SGPP2: variants seen among roughly 807,000 people sequenced by gnomAD.
SGPP2 encodes sphingosine-1-phosphate phosphatase 2.
A neutral mutation model predicts 33.9 loss-of-function variants in SGPP2; 30 were observed. The ratio of observed to expected loss-of-function variants is 0.89; its 90% confidence interval spans 0.66 to 1.20. SGPP2 has a LOEUF of 1.20. SGPP2 is among the 50% of genes most tolerant of loss of function. The pLI is 0.00. For synonymous variants in SGPP2, 233 were observed against 225.0 expected (o/e 1.04, Z -0.32); for missense variants, 458 against 532.1 (o/e 0.86, Z 1.37).
chr2:222,451,527 A>G (rs988679443), intron 1 of SGPP2, among the ~76,000 whole-genome samples: 1 of 152,202 alleles, frequency 6.6e-6, no homozygotes, highest in East Asian at 1.9e-4. Context: ...TGCAGAGCAG[A>G]TGTCTGAAGG....
chr2:222,503,796 G>A (rs1209270275), intron 2 of SGPP2: 1 of 152,116 alleles, frequency 6.6e-6, no homozygotes, highest in Non-Finnish European at 1.5e-5. Context: ...GGGTGGAATT[G>A]GGGCAAGAAT....
chr2:222,470,252 T>G lies in SGPP2; in HGVS notation c.220-4316T>G, dbSNP rs186940122. ...ACCTGTGTAACAAACCTGCACGATC[T>G]GCACATGTATCTCAGAATTTAAAGT... On this transcript the variant is annotated intron_variant, in intron 1 of 4. Transcript: ENST00000321276. 9.9e-4 allele frequency among the ~76,000 whole-genome samples: 151 copies of G among 152,274 alleles called. 1 individual carries two copies. The highest frequency in any genetic ancestry group is 3.5e-3 in the African/African-American group (147 of 41,538).
At chr2:222,503,002 T>C (rs1698390440) in intron 2 of SGPP2, among the ~76,000 whole-genome samples, 1 of 152,240 alleles carries the variant, frequency 6.6e-6, no homozygotes, top group South Asian at 2.1e-4. Flanking sequence ...TTAAGTAATG[T>C]ATAACTGGTT....
chr2:222,493,359 T>G (rs1698227254), intron 2 of SGPP2, among the ~76,000 whole-genome samples: 1 of 152,108 alleles, frequency 6.6e-6, no homozygotes, highest in South Asian at 2.1e-4. Flanking sequence ...CTTATAAAAC[T>G]ATTGGATCTC....
Position 222,558,589 on chromosome 2 carries a change from C to T in SGPP2, c.891C>T (p.Phe297=), listed in dbSNP as rs762776700. The T allele has an allele frequency of 4.3e-6, 7 of 1,614,216 alleles. No homozygotes were observed. Among genetic ancestry groups the T allele is most frequent in the Non-Finnish European group, 5.9e-6 (7 of 1,180,024 alleles). ...TAGGATTCTGGATCAACCATTTCTTCCAGCTTGTATCCAAGCCCGCTGAAT... is the reference window on the plus strand; with the variant it reads ...TAGGATTCTGGATCAACCATTTCTTTCAGCTTGTATCCAAGCCCGCTGAAT... ...VTIGFWINHF[F]QLVSKPAESL... is the part of the protein sequence containing the mutation. The change falls in exon 5 of 5, where the codon TTC becomes TTT. Residue 297 remains phenylalanine, a synonymous_variant. Transcript: ENST00000321276.
chr2:222,523,013 A>G (rs751112324), intron 3 of SGPP2, among the ~76,000 whole-genome samples: 16 of 152,224 alleles, frequency 1.1e-4, no homozygotes, highest in Non-Finnish European at 2.1e-4. Flanking sequence ...CATTAAATCT[A>G]GCAGTCTTGT....
intron 1 of SGPP2, among the ~76,000 whole-genome samples, chr2:222,437,012 C>T (rs921613137): frequency 2.6e-5 from 4 of 152,140 alleles, no homozygotes; most frequent in African/African-American, 9.7e-5. Flanking sequence ...TGGGTGAAGA[C>T]AGGAGTGGCT....
Position 222,460,156 on chromosome 2 carries a change from G to A in SGPP2, c.220-14412G>A, listed in dbSNP as rs1697637486. On this transcript the variant is annotated intron_variant, in intron 1 of 4. Coordinates refer to ENST00000321276, the MANE Select transcript of SGPP2 (RefSeq NM_152386.4). The surrounding 1 kb of genome is among the most constrained non-coding windows in gnomAD (Gnocchi z 4.3). ...TGGCATTCAGTTGCCATCCACAGAA[G>A]AAGGACTCACTTTCTCTGGGTTTTA... Among the ~76,000 whole-genome samples the A allele has an allele frequency of 6.6e-6, 1 of 152,232 alleles. No individual in the cohort carries two copies. The highest frequency in any genetic ancestry group is 2.4e-5 in the African/African-American group (1 of 41,458).
At chr2:222,428,899 C>G (rs933088985) in intron 1 of SGPP2, among the ~76,000 whole-genome samples, 1 of 148,748 alleles carries the variant, frequency 6.7e-6, no homozygotes, top group African/African-American at 2.5e-5. Context: ...TCAAACGATT[C>G]TCCTGCCTCA....
intron 2 of SGPP2, among the ~76,000 whole-genome samples, chr2:222,514,391 T>C (rs1184345484): frequency 6.6e-6 from 1 of 152,138 alleles, no homozygotes; most frequent in African/African-American, 2.4e-5. Flanking sequence ...AGAGATGGAG[T>C]CTCACTATGT....
intron 2 of SGPP2, among the ~76,000 whole-genome samples, chr2:222,478,197 GGAGGGAGGGGGA>G (rs1273998396): frequency 6.6e-6 from 1 of 150,826 alleles, no homozygotes; most frequent in African/African-American, 2.4e-5. Context: ...AGAGAGGGAG[GGAGGGAGGGGGA>G]GAGGGAGGTG....
chr2:222,446,607 C>T (rs935864153), intron 1 of SGPP2, among the ~76,000 whole-genome samples: 2 of 152,184 alleles, frequency 1.3e-5, no homozygotes, highest in Admixed American at 1.3e-4. Flanking sequence ...CATTCATGTA[C>T]AAAACTTTAA....
In SGPP2 at chr2:222,562,587, A is replaced by T. The variant is rs1689569048; in HGVS notation, c.*3689A>T. On this transcript the variant is annotated 3_prime_UTR_variant, in exon 5 of 5. Transcript: ENST00000321276. ...TTTATTCTTTTTAAAAATCACTTTTATTTGATTTTGACTTATTAAATGCTT... is the reference window on the plus strand; with the variant it reads ...TTTATTCTTTTTAAAAATCACTTTTTTTTGATTTTGACTTATTAAATGCTT... 6.6e-6 allele frequency among the ~76,000 whole-genome samples: 1 copy of T among 152,130 alleles called. No individual in the cohort carries two copies. Among genetic ancestry groups the T allele is most frequent in the South Asian group, 2.1e-4 (1 of 4,826 alleles).
In SGPP2 at chr2:222,476,425, C is replaced by T. The variant is rs1056103535; in HGVS notation, c.378+1699C>T. On this transcript the variant is annotated intron_variant, in intron 2 of 4. Transcript: ENST00000321276. This position sits in a 1 kb window ranked among gnomAD's most constrained non-coding sequence, Gnocchi z 4.3. The stretch of plus-strand genomic sequence containing the variant: ...CTTCAAATCCCTGTCTCCCAATAGC[C>T]CTCTTTTGAAATCTAGCTTCTGTCT... 2.6e-5 allele frequency among the ~76,000 whole-genome samples: 4 copies of T among 152,142 alleles called. No individual in the cohort carries two copies. Among genetic ancestry groups the T allele is most frequent in the African/African-American group, 9.7e-5 (4 of 41,410 alleles).
rs1287367192 is a variant in SGPP2 at position 222,558,380 on chromosome 2, C to T, written c.682C>T (p.Leu228Phe). 4 of 1,614,092 alleles carry T rather than the reference C, an allele frequency of 2.5e-6. No individual in the cohort carries two copies. The highest frequency in any genetic ancestry group is 3.4e-6 in the Non-Finnish European group (4 of 1,180,052). The change falls in exon 5 of 5, where the codon CTC (leucine) becomes TTC (phenylalanine). Residue 228 changes from leucine (L) to phenylalanine (F), a missense_variant. Coordinates refer to ENST00000321276, the MANE Select transcript of SGPP2 (RefSeq NM_152386.4). ...GGGTGGCGTCCTGATCACCGCACTC[C>T]TCATCGTCCTCACCTACCCTGCCTG... ...VLGGVLITAL[L>F]IVLTYPAWTF... is the part of the protein sequence containing the mutation.
At chr2:222,455,580 A>G (rs1361818419) in intron 1 of SGPP2, among the ~76,000 whole-genome samples, 4 of 152,212 alleles carry the variant, frequency 2.6e-5, no homozygotes, top group Non-Finnish European at 4.4e-5. Context: ...ATTGGGAGCC[A>G]TTGGAGGATG....
intron 1 of SGPP2, among the ~76,000 whole-genome samples, chr2:222,461,966 T>C (rs1398099353): frequency 6.6e-6 from 1 of 152,136 alleles, no homozygotes; most frequent in Non-Finnish European, 1.5e-5. Context: ...GCTTTACCTG[T>C]GTGAAATGGG....
intron 4 of SGPP2, among the ~76,000 whole-genome samples, chr2:222,535,183 G>A (rs1157309503): frequency 6.6e-6 from 1 of 151,952 alleles, no homozygotes; most frequent in African/African-American, 2.4e-5. Context: ...TCAAGACTCA[G>A]CCTGGCCAAC....
chr2:222,492,812 C>T (rs1698218450), intron 2 of SGPP2, among the ~76,000 whole-genome samples: 1 of 152,196 alleles, frequency 6.6e-6, no homozygotes, highest in South Asian at 2.1e-4. Context: ...GATAATCTCT[C>T]TCATGTTCAA....
Sources: gnomAD v4.1 joint callset for allele counts (sites outside exome capture counted in the v4.1 genomes callset) on GRCh38, gnomAD v4.1.1 for gene constraint, Gnocchi (gnomAD v3.1) non-coding constraint, MANE v1.5 for transcripts, NCBI Gene and HGNC (gene_info 2026-07-23, HGNC 2026-07-21) for gene names.